Variants in UNC13C observed in about 807,000 individuals in gnomAD.
UNC13C encodes protein unc-13 homolog C.
UNC13C carries 174 observed loss-of-function variants against 245.4 expected under a neutral mutation model. That is an observed-to-expected ratio of 0.71 (90% CI 0.63 to 0.80). UNC13C has a LOEUF of 0.80. UNC13C is among the 30% of genes least tolerant of loss of function. UNC13C has a pLI of 0.00. For missense variants in UNC13C, 2,829 were observed against 2,602.9 expected (o/e 1.09, Z -1.89); for synonymous variants, 992 against 895.1 (o/e 1.11, Z -1.93).
chr15:53,841,961 A>G, the UNC13C span, among the ~76,000 whole-genome samples: 1 of 152,168 alleles, frequency 6.6e-6, no homozygotes, highest in Non-Finnish European at 1.5e-5. Flanking sequence ...CACTTTGGGG[A>G]AGATCTTTAT....
chr15:54,167,646 C>T (rs993955442), intron 4 of UNC13C, among the ~76,000 whole-genome samples: 2 of 142,312 alleles, frequency 1.4e-5, no homozygotes, highest in African/African-American at 2.6e-5. Flanking sequence ...AAATCTCAAC[C>T]TCTCACACCA....
At chr15:54,328,994 G>A (rs775950770) in intron 14 of UNC13C, among the ~76,000 whole-genome samples, 32 of 151,462 alleles carry the variant, frequency 2.1e-4, no homozygotes, top group Non-Finnish European at 2.9e-4. Flanking sequence ...GACAGGGTTG[G>A]CAAAGTGAAA....
At position 54,014,423 on chromosome 15, in the gene UNC13C, A is replaced by G. The variant is rs766727684; in HGVS notation, c.1520A>G (p.Tyr507Cys). ...NSSRISNKSD[Y>C]DKISSQLPES... ...AGCAGAATTTCAAATAAATCAGATTATGATAAAATCTCCTCACAGTTGCCA... is the reference window on the plus strand; with the variant it reads ...AGCAGAATTTCAAATAAATCAGATTGTGATAAAATCTCCTCACAGTTGCCA... Residue 507 changes from tyrosine to cysteine, a missense_variant, in exon 2 of 33, where the codon TAT becomes TGT. By Grantham distance (194) the Tyr-to-Cys change is radical. Coordinates refer to ENST00000260323, the MANE Select transcript of UNC13C (RefSeq NM_001080534.3). 6.8e-6 allele frequency: 11 copies of G among 1,613,702 alleles called. No individual in the cohort carries two copies. The highest frequency in any genetic ancestry group is 1.6e-4 in the Middle Eastern group (1 of 6,082).
At chr15:53,954,676 C>T in the UNC13C span, among the ~76,000 whole-genome samples, 23 of 152,166 alleles carry the variant, frequency 1.5e-4, no homozygotes, top group Middle Eastern at 0.01. Context: ...TGGCCTGTTA[C>T]AGAGTTAGGA....
Position 54,451,470 on chromosome 15 carries a change from T to TA in UNC13C, c.4933+36410dup, listed in dbSNP as rs1442866684. Among the ~76,000 whole-genome samples, 8 of 152,214 alleles carry TA rather than the reference T, an allele frequency of 5.3e-5. No homozygotes were observed. The East Asian group carries it at 1.4e-3, about 26-fold the overall frequency. On this transcript the variant is annotated intron_variant, in intron 19 of 32. Coordinates refer to ENST00000260323, the MANE Select transcript of UNC13C (RefSeq NM_001080534.3). ...ATGTAGGCTTTGTTTCAACTCTTTT[T>TA]AAAAAAATTGTCTGACTGGATTATT...
At chr15:54,225,210 T>C (rs949029922) in intron 4 of UNC13C, among the ~76,000 whole-genome samples, 4 of 152,040 alleles carry the variant, frequency 2.6e-5, no homozygotes, top group South Asian at 2.1e-4. Flanking sequence ...TTAGTTACTA[T>C]AGCCTTGTAG....
At chr15:54,276,922 A>G (rs1410272780) in intron 10 of UNC13C, among the ~76,000 whole-genome samples, 1 of 152,150 alleles carries the variant, frequency 6.6e-6, no homozygotes, top group Non-Finnish European at 1.5e-5. Flanking sequence ...AGTAAGCATA[A>G]AAATATGTTT....
intron 2 of UNC13C, among the ~76,000 whole-genome samples, chr15:54,141,836 A>C (rs1189053629): frequency 6.6e-6 from 1 of 152,136 alleles, no homozygotes; most frequent in Non-Finnish European, 1.5e-5. Context: ...GAAATACTGA[A>C]AAATCTGCAC....
At chr15:53,905,669 G>T in the UNC13C span, among the ~76,000 whole-genome samples, 1 of 152,218 alleles carries the variant, frequency 6.6e-6, no homozygotes, top group South Asian at 2.1e-4. Flanking sequence ...AGTTTTAGTT[G>T]TGTAGGATGA....
At chr15:54,127,771 A>G (rs2031153435) in intron 2 of UNC13C, among the ~76,000 whole-genome samples, 2 of 145,954 alleles carry the variant, frequency 1.4e-5, no homozygotes, top group South Asian at 4.3e-4. Flanking sequence ...TGTATAATAT[A>G]AAATAATATA....
intron 1 of UNC13C, among the ~76,000 whole-genome samples, chr15:53,994,046 A>G (rs1440481015): frequency 6.6e-6 from 1 of 152,078 alleles, no homozygotes; most frequent in African/African-American, 2.4e-5. Context: ...TATTATTTCA[A>G]TTACACCAAT....
chr15:54,096,251 C>T (rs773681608), intron 2 of UNC13C, among the ~76,000 whole-genome samples: 1 of 151,908 alleles, frequency 6.6e-6, no homozygotes. Context: ...CAGAAAGCAT[C>T]GGTCTGGAGA....
intron 4 of UNC13C, among the ~76,000 whole-genome samples, chr15:54,194,384 A>G (rs542226622): frequency 6.6e-6 from 1 of 152,290 alleles, no homozygotes; most frequent in African/African-American, 2.4e-5. Context: ...CTCCGTTTGT[A>G]GAATATTTTT....
chr15:54,401,706 G>T (rs538570444), intron 18 of UNC13C, among the ~76,000 whole-genome samples: 5 of 152,228 alleles, frequency 3.3e-5, no homozygotes, highest in Non-Finnish European at 5.9e-5. Flanking sequence ...CGTACTGGAG[G>T]ACTTTGTGCC....
the UNC13C span, among the ~76,000 whole-genome samples, chr15:53,838,896 G>A: frequency 4.6e-5 from 7 of 151,856 alleles, no homozygotes; most frequent in Admixed American, 1.3e-4. Context: ...TTCTGGTTAA[G>A]GTATATTCAG....
intron 19 of UNC13C, among the ~76,000 whole-genome samples, chr15:54,425,566 C>T (rs1194762364): frequency 6.6e-6 from 1 of 151,808 alleles, no homozygotes; most frequent in Non-Finnish European, 1.5e-5. Flanking sequence ...TGTAGTCCCT[C>T]TTAGTGCTAC....
chr15:54,392,173 G>GA (rs2039972334), intron 17 of UNC13C, among the ~76,000 whole-genome samples: 1 of 152,002 alleles, frequency 6.6e-6, no homozygotes, highest in Admixed American at 6.6e-5. Context: ...AAATGTAAAA[G>GA]AAGTGCTCTA....
At chr15:54,221,103 C>G (rs1187589825) in intron 4 of UNC13C, among the ~76,000 whole-genome samples, 1 of 151,896 alleles carries the variant, frequency 6.6e-6, no homozygotes, top group Non-Finnish European at 1.5e-5. Context: ...TGTATATTTT[C>G]CCTTCATGTA....
At chr15:54,236,010 T>C (rs2035688318) in intron 5 of UNC13C, among the ~76,000 whole-genome samples, 1 of 125,914 alleles carries the variant, frequency 7.9e-6, no homozygotes, top group African/African-American at 3.5e-5. Context: ...ATGGCCTACA[T>C]TAGATTGTAA....
Sources: gnomAD v4.1 joint callset for allele counts (sites outside exome capture counted in the v4.1 genomes callset) on GRCh38, gnomAD v4.1.1 for gene constraint, MANE v1.5 for transcripts, NCBI Gene and HGNC (gene_info 2026-07-23, HGNC 2026-07-21) for gene names.